Variants in TRABD2B observed in about 807,000 individuals in gnomAD.
TRABD2B encodes metalloprotease TIKI2.
A neutral mutation model predicts 40.1 loss-of-function variants in TRABD2B; 14 were observed. The ratio of observed to expected loss-of-function variants is 0.35; its 90% CI spans 0.23 to 0.55. TRABD2B has a LOEUF of 0.55. Among genes scored for constraint, TRABD2B ranks in the 20% least tolerant of loss-of-function variants. The pLI, the probability that TRABD2B is intolerant of heterozygous loss-of-function variation, is 0.90. For synonymous variants in TRABD2B, 263 were observed against 277.0 expected (o/e 0.95, Z 0.50); for missense variants, 541 against 648.6 (o/e 0.83, Z 1.80).
rs1203037342 is a variant in TRABD2B, at chr1:47,763,437, A to G, written c.*2465T>C. On this transcript the variant is annotated 3_prime_UTR_variant, in exon 7 of 7. Transcript: ENST00000606738. ...AATATGCCCAGAGGAGGGATCTGGG[A>G]AAGACTAAGGCTGAATCTTCCTGAA... The G allele has an allele frequency of 2.6e-5, 4 of 152,212 alleles. No homozygotes were observed. The highest frequency in any genetic ancestry group is 9.7e-5 in the African/African-American group (4 of 41,442). 9.4% of individuals were successfully genotyped at this position (152,212 alleles called of 1,614,324 possible).
At chr1:47,866,126 G>A (rs1307045924) in intron 2 of TRABD2B, among the ~76,000 whole-genome samples, 2 of 151,986 alleles carry the variant, frequency 1.3e-5, no homozygotes, top group Non-Finnish European at 2.9e-5. Context: ...GCAGGAAGGT[G>A]AGCCCTGTCC....
intron 2 of TRABD2B, among the ~76,000 whole-genome samples, chr1:47,893,936 C>T (rs1644483523): frequency 1.3e-5 from 2 of 152,126 alleles, no homozygotes; most frequent in South Asian, 4.1e-4. Flanking sequence ...CTCTTCCAGG[C>T]CTGGCATTAT....
At chr1:47,911,867 T>C (rs1036626654) in intron 2 of TRABD2B, among the ~76,000 whole-genome samples, 3 of 152,218 alleles carry the variant, frequency 2.0e-5, no homozygotes, top group Non-Finnish European at 2.9e-5. Flanking sequence ...GCACAGGGAC[T>C]TGTGTGACAC....
At chr1:47,897,744 T>C (rs1227500911) in intron 2 of TRABD2B, among the ~76,000 whole-genome samples, 1 of 152,118 alleles carries the variant, frequency 6.6e-6, no homozygotes, top group African/African-American at 2.4e-5. Context: ...GACCTGCCCC[T>C]GCCCAGCTAG....
chr1:47,929,587 C>T (rs560891286), intron 2 of TRABD2B, among the ~76,000 whole-genome samples: 70 of 152,344 alleles, frequency 4.6e-4, no homozygotes, highest in African/African-American at 1.6e-3. Flanking sequence ...GACCCAGTGT[C>T]CTAGCACCTA....
At chr1:47,775,682 T>G (rs1644435704) in intron 5 of TRABD2B, among the ~76,000 whole-genome samples, 1 of 152,198 alleles carries the variant, frequency 6.6e-6, no homozygotes. Context: ...TCCCAGGCAC[T>G]TTTTTAGGAG....
At chr1:47,990,771 T>TTATA (rs55649435) in intron 2 of TRABD2B, among the ~76,000 whole-genome samples, 17 of 36,562 alleles carry the variant, frequency 4.6e-4, no homozygotes, top group Admixed American at 6.5e-4. Flanking sequence ...AACGTTGGTT[T>TTATA]TATATATATA....
At chr1:47,840,853 A>C (rs1453884109) in intron 2 of TRABD2B, among the ~76,000 whole-genome samples, 1 of 152,166 alleles carries the variant, frequency 6.6e-6, no homozygotes, top group Non-Finnish European at 1.5e-5. Flanking sequence ...GATTGTCCTT[A>C]AGCTCTGTGG....
At chr1:47,805,399 C>A (rs1382562445) in intron 2 of TRABD2B, among the ~76,000 whole-genome samples, 1 of 152,154 alleles carries the variant, frequency 6.6e-6, no homozygotes, top group Non-Finnish European at 1.5e-5. Flanking sequence ...TGTGTCACAG[C>A]AGGAGTGTGG....
At chr1:47,778,622 A>G in intron 4 of TRABD2B, 78 bp from the exon 5 acceptor site, 1 of 1,059,942 alleles carries the variant, frequency 9.4e-7, no homozygotes, top group Non-Finnish European at 1.4e-6. Context: ...GCCATCCCCT[A>G]AGTTTGTATC....
At chr1:47,877,160 G>A (rs1644237134) in intron 2 of TRABD2B, among the ~76,000 whole-genome samples, 1 of 151,630 alleles carries the variant, frequency 6.6e-6, no homozygotes, top group African/African-American at 2.4e-5. Flanking sequence ...ACAAGCAGGG[G>A]CCCAAAGGAC....
intron 4 of TRABD2B, among the ~76,000 whole-genome samples, chr1:47,781,169 G>A (rs1415342640): frequency 1.3e-5 from 2 of 152,206 alleles, no homozygotes; most frequent in Non-Finnish European, 2.9e-5. Flanking sequence ...GCAGGCTGGA[G>A]GAACTCTCTG....
chr1:47,928,811 C>T (rs1191872791), intron 2 of TRABD2B, among the ~76,000 whole-genome samples: 1 of 152,202 alleles, frequency 6.6e-6, no homozygotes, highest in African/African-American at 2.4e-5. Context: ...AGGCTCACAT[C>T]CCTCATTTTC....
chr1:47,983,487 T>TA (rs899160868), intron 2 of TRABD2B, among the ~76,000 whole-genome samples: 14 of 149,532 alleles, frequency 9.4e-5, no homozygotes, highest in East Asian at 5.9e-4. Flanking sequence ...CCTAAAAGTT[T>TA]AAAAAAAAAA....
At chr1:47,770,168 TGAG>T (rs746672958) in intron 6 of TRABD2B, among the ~76,000 whole-genome samples, 3 of 152,102 alleles carry the variant, frequency 2.0e-5, no homozygotes, top group Non-Finnish European at 4.4e-5. Context: ...CTTTTCAGCC[TGAG>T]GAGACCGGAT....
intron 2 of TRABD2B, among the ~76,000 whole-genome samples, chr1:47,899,584 A>T (rs541514256): frequency 4.3e-4 from 65 of 152,352 alleles, no homozygotes; most frequent in Admixed American, 2.1e-3. Context: ...AGATGCAATC[A>T]TTCAAAGTTG....
At position 47,775,183 on chromosome 1, in the gene TRABD2B, G is replaced by A; in HGVS notation, c.1336C>T (p.Arg446Cys). The A allele has an allele frequency of 8.1e-7, 1 of 1,235,606 alleles. No individual in the cohort carries two copies. Among genetic ancestry groups the A allele is most frequent in the Non-Finnish European group, 1.0e-6 (1 of 989,276 alleles). The allele number at this position is 1,235,606 out of a possible 1,614,324, so 76.5% of individuals were successfully genotyped here. A position where few individuals can be genotyped will look rare whatever the true frequency, so the allele number is the denominator to read the frequency against. The change falls in exon 6 of 7, where the codon CGC (arginine) becomes TGC (cysteine). Residue 446 changes from arginine to cysteine, a missense_variant. Arg to Cys is a radical substitution (Grantham distance 180). Around this residue, in one of 2 missense-constraint regions of TRABD2B, gnomAD observed 172 missense variants for 155.8 expected, o/e 1.10. Transcript: ENST00000606738. ...TCCCTGGCTCACCTGTCCTCGATGC[G>A]GACCCAGAGGTCATTGAACTGCCGC... ...RPRQFNDLWV[R>C]IEDSTTASPP...
chr1:47,768,560 C>T (rs1445471253), intron 6 of TRABD2B, among the ~76,000 whole-genome samples: 1 of 152,190 alleles, frequency 6.6e-6, no homozygotes, highest in Non-Finnish European at 1.5e-5. Flanking sequence ...TTTGATCTGC[C>T]TTCCATCCCT....
At chr1:47,981,699 G>T (rs893193252) in intron 2 of TRABD2B, among the ~76,000 whole-genome samples, 1 of 152,094 alleles carries the variant, frequency 6.6e-6, no homozygotes, top group Non-Finnish European at 1.5e-5. Flanking sequence ...ACAAATAAAT[G>T]AATGAACAGT....
Sources: gnomAD v4.1 joint callset for allele counts (sites outside exome capture counted in the v4.1 genomes callset) on GRCh38, gnomAD v4.1.1 for gene constraint, gnomAD v4.1.1 regional missense constraint, MANE v1.5 for transcripts, NCBI Gene and HGNC (gene_info 2026-07-23, HGNC 2026-07-21) for gene names.